SHISA6: variants seen among roughly 807,000 people sequenced by gnomAD.
The protein encoded by SHISA6 is shisa family member 6, also known as protein shisa-6.
Under a neutral mutation model 47.9 loss-of-function variants are expected in SHISA6, and 22 were observed. The observed-to-expected ratio is 0.46, with a 90% CI of 0.33 to 0.66. The LOEUF is 0.66. Ranked by LOEUF, SHISA6 falls within the 30% of genes least tolerant of loss-of-function variation. The pLI, the probability that SHISA6 is intolerant of heterozygous loss-of-function variation, is 0.02. For synonymous variants in SHISA6, 388 were observed against 337.8 expected (o/e 1.15, Z -1.63); for missense variants, 680 against 764.6 (o/e 0.89, Z 1.30).
chr17:11,346,249 A>G (rs1262936725), intron 2 of SHISA6, among the ~76,000 whole-genome samples: 1 of 152,180 alleles, frequency 6.6e-6, no homozygotes, highest in Non-Finnish European at 1.5e-5. Context: ...AACTTAAAAA[A>G]GGAAAAATTT....
chr17:11,259,082 TG>T (rs1211546097), intron 1 of SHISA6, among the ~76,000 whole-genome samples: 2 of 151,398 alleles, frequency 1.3e-5, no homozygotes, highest in East Asian at 1.9e-4. Context: ...GGGGATGAAT[TG>T]GGGGAGATGG....
chr17:11,416,960 C>T (rs1181171591), intron 3 of SHISA6, among the ~76,000 whole-genome samples: 2 of 152,130 alleles, frequency 1.3e-5, no homozygotes, highest in Non-Finnish European at 2.9e-5. Flanking sequence ...AAGTGAGAGT[C>T]AGGATTTGAA....
At chr17:11,557,001 G>C (rs1240820682) in intron 5 of SHISA6, among the ~76,000 whole-genome samples, 1 of 152,176 alleles carries the variant, frequency 6.6e-6, no homozygotes, top group South Asian at 2.1e-4. Flanking sequence ...CTGCTGGATA[G>C]AGAGAAAGGT....
chr17:11,556,214 C>T (rs2071978223), intron 5 of SHISA6, among the ~76,000 whole-genome samples: 1 of 152,162 alleles, frequency 6.6e-6, no homozygotes, highest in African/African-American at 2.4e-5. Flanking sequence ...TTCTTCAAAC[C>T]ATGGGCCTTC....
At chr17:11,519,288 C>A (rs2071609774) in intron 3 of SHISA6, among the ~76,000 whole-genome samples, 1 of 152,198 alleles carries the variant, frequency 6.6e-6, no homozygotes, top group Non-Finnish European at 1.5e-5. Flanking sequence ...TCCATCTCTA[C>A]AATGGGATAT....
chr17:11,323,916 A>G (rs1056497000), intron 2 of SHISA6, among the ~76,000 whole-genome samples: 1 of 151,990 alleles, frequency 6.6e-6, no homozygotes, highest in African/African-American at 2.4e-5. Flanking sequence ...CAAAGCACTT[A>G]TTTTTCATTT....
At chr17:11,373,796 C>A (rs979253295) in intron 2 of SHISA6, among the ~76,000 whole-genome samples, 1 of 152,182 alleles carries the variant, frequency 6.6e-6, no homozygotes, top group African/African-American at 2.4e-5. Context: ...CTATTTATGA[C>A]TTTTCTCTGG....
chr17:11,331,163 T>G (rs774914531), intron 2 of SHISA6, among the ~76,000 whole-genome samples: 5 of 152,198 alleles, frequency 3.3e-5, no homozygotes, highest in African/African-American at 4.8e-5. Flanking sequence ...GTGGCTTTCC[T>G]GTCCCAGTGG....
intron 2 of SHISA6, among the ~76,000 whole-genome samples, chr17:11,314,519 C>G (rs1041708856): frequency 6.7e-6 from 1 of 150,354 alleles, no homozygotes; most frequent in Non-Finnish European, 1.5e-5. Flanking sequence ...TCATTCCATA[C>G]TGTTTTTTCA....
chr17:11,289,539 C>T (rs1375998262), intron 2 of SHISA6: 1 of 139,772 alleles, frequency 7.2e-6, no homozygotes, highest in Admixed American at 7.1e-5. Context: ...GTGAAATTGC[C>T]CTGGAAAAGA....
rs143367624 is a variant in SHISA6 at position 11,285,347 on chromosome 17, C to T, written c.799+21821C>T. On this transcript the variant is annotated intron_variant, in intron 2 of 5. Coordinates refer to ENST00000441885, the MANE Select transcript of SHISA6 (RefSeq NM_207386.4). ...TTTTTGCAGGAGTTGCTGCCGTTTG[C>T]TTTCTTCCCTTCAGCTTGTTGCAAA... is the stretch of plus-strand genomic sequence containing the variant. Among the ~76,000 whole-genome samples, 7 of 152,256 alleles carry T rather than the reference C, an allele frequency of 4.6e-5. No individual in the cohort carries two copies. In the East Asian group the frequency reaches 1.2e-3, roughly 25 times the overall value.
intron 3 of SHISA6, among the ~76,000 whole-genome samples, chr17:11,397,430 T>TGTG (rs1555532586): frequency 6.6e-6 from 1 of 150,832 alleles, no homozygotes; most frequent in Non-Finnish European, 1.5e-5. Context: ...TGTGTGTGTG[T>TGTG]TCACTACCTT....
chr17:11,440,829 C>A (rs2142297084), intron 3 of SHISA6, among the ~76,000 whole-genome samples: 1 of 151,954 alleles, frequency 6.6e-6, no homozygotes, highest in Admixed American at 6.6e-5. Context: ...GGGTATGGCC[C>A]CTTGCTACTG....
intron 3 of SHISA6, among the ~76,000 whole-genome samples, chr17:11,415,078 TAAA>T (rs5819316): frequency 7.3e-6 from 1 of 137,712 alleles, no homozygotes; most frequent in Non-Finnish European, 1.6e-5. Flanking sequence ...AAACTCCATC[TAAA>T]AAAAAAAAAA....
Position 11,387,698 on chromosome 17 carries a change from A to T in SHISA6, c.895+8189A>T, listed in dbSNP as rs566537928. 3.3e-5 allele frequency among the ~76,000 whole-genome samples: 5 copies of T among 152,250 alleles called. No individual in the cohort carries two copies. In the South Asian group the frequency reaches 1.0e-3, roughly 32 times the overall value. On this transcript the variant is annotated intron_variant, in intron 3 of 5. Transcript: ENST00000441885. ...GAGTAGAAGATTTTTGAGGAGTGTG[A>T]CTTTGGGAAATAACAATGGCCAGGG...
chr17:11,338,225 A>T (rs1366362341), intron 2 of SHISA6, among the ~76,000 whole-genome samples: 2 of 152,074 alleles, frequency 1.3e-5, no homozygotes, highest in Admixed American at 1.3e-4. Context: ...TGCTTTGAAG[A>T]TGTTGGGAGC....
intron 3 of SHISA6, among the ~76,000 whole-genome samples, chr17:11,491,361 G>C (rs1302729266): frequency 6.6e-6 from 1 of 152,062 alleles, no homozygotes. Flanking sequence ...CGGTGGGAGG[G>C]ACAATCACGG....
chr17:11,481,366 GTATATATA>G (rs768989352), intron 3 of SHISA6, among the ~76,000 whole-genome samples: 1 of 110,278 alleles, frequency 9.1e-6, no homozygotes, highest in Non-Finnish European at 1.9e-5. Context: ...GTGTGTGTGT[GTATATATA>G]TATATATATA....
intron 3 of SHISA6, among the ~76,000 whole-genome samples, chr17:11,462,643 C>T (rs1489203310): frequency 1.3e-5 from 2 of 151,934 alleles, no homozygotes; most frequent in Non-Finnish European, 2.9e-5. Flanking sequence ...TTTTTTGAGA[C>T]AGGGTCTCAC....
Sources: gnomAD v4.1 joint callset for allele counts (sites outside exome capture counted in the v4.1 genomes callset) on GRCh38, gnomAD v4.1.1 for gene constraint, MANE v1.5 for transcripts, NCBI Gene and HGNC (gene_info 2026-07-23, HGNC 2026-07-21) for gene names.